Variants in ERBB4 observed in about 807,000 individuals in gnomAD.
ERBB4 encodes the protein receptor tyrosine-protein kinase erbB-4.
ERBB4 carries 42 observed loss-of-function variants against 158.0 expected under a neutral mutation model. That is an observed-to-expected ratio of 0.27 (90% confidence interval 0.21 to 0.34). ERBB4 has a LOEUF of 0.34. Among genes scored for constraint, ERBB4 ranks in the 10% least tolerant of loss-of-function variants. The probability of loss-of-function intolerance (pLI) is 1.00; values close to 1 mark genes in which losing one functional copy is unlikely to be tolerated. For synonymous variants in ERBB4, 583 were observed against 558.7 expected, an observed-to-expected ratio of 1.04 and a Z score of -0.61; for missense variants, 1,333 against 1,624.1, an observed-to-expected ratio of 0.82 and a Z score of 3.08.
rs1553617992 is a variant in ERBB4 at position 212,324,485 on chromosome 2, GTTTT to G, written c.83-199586_83-199583del. Among the ~76,000 whole-genome samples, 7 of 29,252 alleles carry G rather than the reference GTTTT, an allele frequency of 2.4e-4. 1 individual carries two copies. The highest frequency in any genetic ancestry group is 4.7e-4 in the Non-Finnish European group (4 of 8,534). 19.2% of individuals were successfully genotyped at this position (29,252 alleles called of 152,430 possible). ...TAGGAGCAGCGGGTTTTTTGTTTTTGTTTTTTTTTCCTTTAGTTGATTATATTAT... is the reference window on the plus strand; with the variant it reads ...TAGGAGCAGCGGGTTTTTTGTTTTTGTTTTTCCTTTAGTTGATTATATTAT... On this transcript the variant is annotated intron_variant, in intron 1 of 27. Transcript: ENST00000342788.
intron 3 of ERBB4, among the ~76,000 whole-genome samples, chr2:211,885,133 G>C (rs1464810428): frequency 6.6e-6 from 1 of 151,968 alleles, no homozygotes. Context: ...CTTTTTCAAA[G>C]GTAATAAGGC....
In ERBB4 at chr2:212,345,265, C is replaced by A. The variant is rs866751756; in HGVS notation, c.82+193184G>T. ...TGGGGGACAGAGCAAGACTCCGTCTCAAAAAAAAAAAAGCACTAAACACAT... is the reference window on the plus strand; with the variant it reads ...TGGGGGACAGAGCAAGACTCCGTCTAAAAAAAAAAAAAGCACTAAACACAT... On this transcript the variant is annotated intron_variant, in intron 1 of 27. Transcript: ENST00000342788. Among the ~76,000 whole-genome samples the A allele has an allele frequency of 2.6e-3, 199 of 77,628 alleles. 1 individual carries two copies. Among genetic ancestry groups the A allele is most frequent in the East Asian group, 6.5e-3 (26 of 3,998 alleles). The allele number at this position is 77,628 out of a possible 152,430, so 50.9% of individuals were successfully genotyped here.
chr2:211,449,949 G>A (rs758952145), intron 20 of ERBB4, among the ~76,000 whole-genome samples: 21 of 152,192 alleles, frequency 1.4e-4, no homozygotes, highest in South Asian at 2.1e-4. Context: ...CTCATCTAGC[G>A]CTTGCTAAAT....
At chr2:211,863,360 A>G (rs1575273152) in intron 3 of ERBB4, among the ~76,000 whole-genome samples, 1 of 152,126 alleles carries the variant, frequency 6.6e-6, no homozygotes, top group Admixed American at 6.5e-5. Context: ...AAAGCTGGCC[A>G]CCCCAGCCAG....
At chr2:212,198,971 T>C (rs2082513258) in intron 1 of ERBB4, among the ~76,000 whole-genome samples, 1 of 152,142 alleles carries the variant, frequency 6.6e-6, no homozygotes, top group South Asian at 2.1e-4. Flanking sequence ...GCTATGAACA[T>C]TAATTCACAA....
At chr2:212,441,158 T>A (rs908589778) in intron 1 of ERBB4, among the ~76,000 whole-genome samples, 4 of 152,196 alleles carry the variant, frequency 2.6e-5, no homozygotes, top group Non-Finnish European at 4.4e-5. Context: ...AGGATTCTGA[T>A]GAAGCTGGGG....
chr2:212,378,247 AGAAGAGCTGCTTTGAACAGAATACTG>A (rs1267154059), intron 1 of ERBB4, among the ~76,000 whole-genome samples: 1 of 151,944 alleles, frequency 6.6e-6, no homozygotes, highest in Non-Finnish European at 1.5e-5. Flanking sequence ...TGAGGAAGAC[AGAAGAGCTGCTTTGAACAGAATACTG>A]TTCTATATGC....
intron 7 of ERBB4, among the ~76,000 whole-genome samples, chr2:211,720,573 G>A (rs961978321): frequency 1.3e-5 from 2 of 152,138 alleles, no homozygotes; most frequent in South Asian, 4.1e-4. Flanking sequence ...TCAGTTCACC[G>A]TGCTGGATCT....
At chr2:212,461,111 G>T (rs1200367848) in intron 1 of ERBB4, among the ~76,000 whole-genome samples, 1 of 152,208 alleles carries the variant, frequency 6.6e-6, no homozygotes, top group Non-Finnish European at 1.5e-5. Flanking sequence ...CAGTATGGAA[G>T]AGAAATGTGG....
chr2:211,892,174 A>C (rs1242421988), intron 3 of ERBB4, among the ~76,000 whole-genome samples: 6 of 114,698 alleles, frequency 5.2e-5, no homozygotes, highest in East Asian at 2.1e-4. Flanking sequence ...TACTGGCAAA[A>C]CGAATCCAGC....
intron 20 of ERBB4, among the ~76,000 whole-genome samples, chr2:211,550,188 T>G (rs1227084229): frequency 6.6e-6 from 1 of 152,018 alleles, no homozygotes; most frequent in East Asian, 1.9e-4. Flanking sequence ...ACATTGAGAT[T>G]TACTCTCTTA....
chr2:211,923,662 C>G (rs982512129), intron 3 of ERBB4, among the ~76,000 whole-genome samples: 1 of 152,092 alleles, frequency 6.6e-6, no homozygotes, highest in Non-Finnish European at 1.5e-5. Context: ...GCATCCTTTC[C>G]TCAATTTCCA....
intron 19 of ERBB4, among the ~76,000 whole-genome samples, chr2:211,593,783 G>A (rs1390467064): frequency 3.3e-5 from 5 of 152,106 alleles, no homozygotes; most frequent in Admixed American, 6.5e-5. Flanking sequence ...AGACTTATCC[G>A]AGAGCGCTGC....
intron 1 of ERBB4, among the ~76,000 whole-genome samples, chr2:212,292,060 G>C (rs2106182753): frequency 6.6e-6 from 1 of 151,724 alleles, no homozygotes; most frequent in Non-Finnish European, 1.5e-5. Context: ...AAACATTTCT[G>C]AAAAAAAGCT....
intron 12 of ERBB4, among the ~76,000 whole-genome samples, chr2:211,680,291 A>C (rs1395729629): frequency 1.3e-5 from 2 of 152,158 alleles, no homozygotes; most frequent in Non-Finnish European, 2.9e-5. Context: ...ACTGCATGAC[A>C]TTATTTTAGT....
chr2:212,059,146 A>G (rs1353660154), intron 2 of ERBB4, among the ~76,000 whole-genome samples: 1 of 152,212 alleles, frequency 6.6e-6, no homozygotes, highest in African/African-American at 2.4e-5. Context: ...ATACACCAAT[A>G]ACAGACAATC....
At chr2:211,894,413 G>A (rs551013676) in intron 3 of ERBB4, among the ~76,000 whole-genome samples, 1 of 128,896 alleles carries the variant, frequency 7.8e-6, no homozygotes, top group African/African-American at 3.0e-5. Context: ...GACTGTGGTG[G>A]GGTGGGGGGA....
intron 3 of ERBB4, among the ~76,000 whole-genome samples, chr2:211,941,903 G>A (rs1209945652): frequency 6.6e-6 from 1 of 152,076 alleles, no homozygotes; most frequent in East Asian, 1.9e-4. Flanking sequence ...TGTGAAAGAT[G>A]CTTTAATTGA....
chr2:211,640,409 T>C (rs1012890580), intron 16 of ERBB4, among the ~76,000 whole-genome samples: 1 of 152,154 alleles, frequency 6.6e-6, no homozygotes, highest in Non-Finnish European at 1.5e-5. Flanking sequence ...ACCAGGATTT[T>C]TGGACATCTA....
Sources: gnomAD v4.1 joint callset for allele counts (sites outside exome capture counted in the v4.1 genomes callset) on GRCh38, gnomAD v4.1.1 for gene constraint, MANE v1.5 for transcripts, NCBI Gene and HGNC (gene_info 2026-07-23, HGNC 2026-07-21) for gene names.